Variants in KCNH1 observed in about 807,000 individuals in gnomAD.
The protein encoded by KCNH1 is voltage-gated delayed rectifier potassium channel KCNH1.
KCNH1 carries 27 observed loss-of-function variants against 69.2 expected under a neutral mutation model. The ratio of observed to expected loss-of-function variants is 0.39; its 90% CI spans 0.29 to 0.54. KCNH1 has a LOEUF of 0.54. Among genes scored for constraint, KCNH1 ranks in the 20% least tolerant of loss-of-function variants. The pLI is 0.68. For missense variants in KCNH1, 798 were observed against 1,261.6 expected (o/e 0.63, Z 5.57); for synonymous variants, 456 against 487.7 (o/e 0.93, Z 0.86).
In KCNH1 at chr1:210,827,018, A is replaced by G. The variant is rs544554372; in HGVS notation, c.1463-22852T>C. On this transcript the variant is annotated intron_variant, in intron 7 of 10. Transcript: ENST00000271751. ...ATATAAATTTACCTTTTACAATTTC[A>G]TAACTATAATTCCAACCTCTTAGAA... Among the ~76,000 whole-genome samples the G allele has an allele frequency of 2.1e-4, 32 of 152,376 alleles. No homozygotes were observed. The South Asian group carries it at 6.2e-3, about 30-fold the overall frequency.
intron 10 of KCNH1, among the ~76,000 whole-genome samples, chr1:210,692,369 A>G (rs1681544951): frequency 6.6e-6 from 1 of 152,202 alleles, no homozygotes; most frequent in Non-Finnish European, 1.5e-5. Flanking sequence ...TGCCATCCAG[A>G]GAATGAGATG....
chr1:210,915,740 T>C (rs934237317), intron 7 of KCNH1, among the ~76,000 whole-genome samples: 1 of 152,194 alleles, frequency 6.6e-6, no homozygotes, highest in African/African-American at 2.4e-5. Flanking sequence ...ACAGGTATGC[T>C]AGCTTGAAAA....
intron 7 of KCNH1, among the ~76,000 whole-genome samples, chr1:210,914,860 C>T (rs1211205664): frequency 6.6e-6 from 1 of 151,968 alleles, no homozygotes; most frequent in Non-Finnish European, 1.5e-5. Flanking sequence ...GGTAGGAGAC[C>T]AAATATTAGG....
intron 6 of KCNH1, among the ~76,000 whole-genome samples, chr1:210,986,066 T>C (rs1284519613): frequency 2.6e-5 from 4 of 152,216 alleles, no homozygotes; most frequent in Non-Finnish European, 5.9e-5. Context: ...TTGATGTTTG[T>C]TGGTTTAAAG....
chr1:211,000,213 A>C (rs1689146383), intron 6 of KCNH1, among the ~76,000 whole-genome samples: 1 of 152,200 alleles, frequency 6.6e-6, no homozygotes, highest in Non-Finnish European at 1.5e-5. Context: ...AAAAAGAGGA[A>C]GTCAAATTGT....
intron 5 of KCNH1, among the ~76,000 whole-genome samples, chr1:211,050,992 G>GTTGTTT (rs768989530): frequency 1.4e-4 from 13 of 94,998 alleles, no homozygotes; most frequent in African/African-American, 4.5e-4. Flanking sequence ...TTTTTGTTTT[G>GTTGTTT]TTGTTGTTGT....
At chr1:210,837,159 T>C (rs1319439139) in intron 7 of KCNH1, among the ~76,000 whole-genome samples, 1 of 152,212 alleles carries the variant, frequency 6.6e-6, no homozygotes, top group Non-Finnish European at 1.5e-5. Flanking sequence ...GTGTTTCTTC[T>C]GTCCAGAACA....
chr1:210,854,533 G>A (rs1373902856), intron 7 of KCNH1, among the ~76,000 whole-genome samples: 1 of 152,216 alleles, frequency 6.6e-6, no homozygotes. Context: ...AGCAGATTAA[G>A]AAATGTGGCA....
At chr1:210,918,941 G>T (rs1271802493) in intron 7 of KCNH1, 2 of 152,076 alleles carry the variant, frequency 1.3e-5, no homozygotes, top group African/African-American at 4.8e-5. Flanking sequence ...CAATTAATGA[G>T]ATGTTTTGCA....
chr1:210,950,072 G>A lies in KCNH1; in HGVS notation c.1033-30003C>T, dbSNP rs574711130. On this transcript the variant is annotated intron_variant, in intron 6 of 10. Transcript: ENST00000271751. The stretch of plus-strand genomic sequence containing the variant: ...CAAAAACAGATGTATAAATAAGTCA[G>A]TTTCTCTCCCACCTTCATTCTTCTC... 8.5e-5 allele frequency among the ~76,000 whole-genome samples: 13 copies of A among 152,328 alleles called. No individual in the cohort carries two copies. The East Asian group carries it at 2.5e-3, about 29-fold the overall frequency.
intron 3 of KCNH1, among the ~76,000 whole-genome samples, chr1:211,101,683 C>T (rs1571647640): frequency 6.6e-6 from 1 of 152,164 alleles, no homozygotes; most frequent in Admixed American, 6.5e-5. Context: ...GGTAGCCCTG[C>T]CTTGTACTCA....
chr1:210,987,516 C>T (rs1558555701), intron 6 of KCNH1, among the ~76,000 whole-genome samples: 1 of 152,206 alleles, frequency 6.6e-6, no homozygotes, highest in Non-Finnish European at 1.5e-5. Flanking sequence ...GGACCCTCAG[C>T]TGCAGGTCTG....
rs987147238 is a variant in KCNH1 at position 211,006,248 on chromosome 1, C to T, written c.1032+12535G>A. 2.6e-5 allele frequency among the ~76,000 whole-genome samples: 4 copies of T among 152,128 alleles called. No homozygotes were observed. In the South Asian group the frequency reaches 8.3e-4, roughly 31 times the overall value. On this transcript the variant is annotated intron_variant, in intron 6 of 10. Transcript: ENST00000271751. ...AGCCCAGCAATTCTACTCTTTCTAACAGAAATCAGGGTATTAAGAGTATGA... is the reference window on the plus strand; with the variant it reads ...AGCCCAGCAATTCTACTCTTTCTAATAGAAATCAGGGTATTAAGAGTATGA...
chr1:210,871,716 G>A (rs1168005713), intron 7 of KCNH1, among the ~76,000 whole-genome samples: 16 of 151,790 alleles, frequency 1.1e-4, no homozygotes, highest in Admixed American at 9.8e-4. Context: ...GGAATACTAT[G>A]CAGCCATAAA....
intron 6 of KCNH1, among the ~76,000 whole-genome samples, chr1:210,974,707 G>A (rs1055107376): frequency 1.3e-5 from 2 of 151,888 alleles, no homozygotes; most frequent in Admixed American, 1.3e-4. Context: ...GGGACTACAG[G>A]TGCGTGACAC....
In KCNH1 at chr1:210,725,846, T is replaced by A. The variant is rs114855859; in HGVS notation, c.2113-41708A>T. 4.3e-3 allele frequency among the ~76,000 whole-genome samples: 653 copies of A among 152,308 alleles called. 3 individuals carry two copies. Among genetic ancestry groups the A allele is most frequent in the Non-Finnish European group, 6.2e-3 (423 of 68,026 alleles). The stretch of plus-strand genomic sequence containing the variant: ...TGTTCTTTGTCAGGAATGTCCATTA[T>A]CCTCTGTCTGTTGGGCTTCTCCTCA... On this transcript the variant is annotated intron_variant, in intron 10 of 10. Transcript: ENST00000271751.
At chr1:210,732,142 A>T (rs1487890148) in intron 10 of KCNH1, among the ~76,000 whole-genome samples, 2 of 151,796 alleles carry the variant, frequency 1.3e-5, no homozygotes, top group Admixed American at 1.3e-4. Flanking sequence ...AGGTCACAGC[A>T]CTGACAGAAG....
chr1:211,059,569 C>T (rs960948566), intron 5 of KCNH1, among the ~76,000 whole-genome samples: 4 of 151,890 alleles, frequency 2.6e-5, no homozygotes, highest in East Asian at 1.9e-4. Context: ...GGTGAAACTA[C>T]GTCTCTACTA....
At chr1:211,117,624 CTA>C (rs1360519267) in intron 1 of KCNH1, among the ~76,000 whole-genome samples, 1 of 152,162 alleles carries the variant, frequency 6.6e-6, no homozygotes, top group Non-Finnish European at 1.5e-5. Flanking sequence ...AAAAGATACT[CTA>C]TTAATCTACT....
Sources: allele counts gnomAD v4.1 joint callset (sites outside exome capture counted in the v4.1 genomes callset), GRCh38; gene constraint gnomAD v4.1.1; transcripts MANE v1.5; gene names NCBI Gene and HGNC (gene_info 2026-07-23, HGNC 2026-07-21).